SUSD4: variants seen among roughly 807,000 people sequenced by gnomAD.
The protein encoded by SUSD4 is sushi domain containing 4.
SUSD4 carries 41 observed loss-of-function variants against 50.5 expected under a neutral mutation model. The ratio of observed to expected loss-of-function variants is 0.81; its 90% CI spans 0.63 to 1.05. The LOEUF (loss-of-function observed/expected upper bound fraction) is 1.05. Among genes scored for constraint, SUSD4 ranks in the 50% least tolerant of loss-of-function variants. The pLI is 0.00. For missense variants in SUSD4, 580 were observed against 634.7 expected (o/e 0.91, Z 0.93); for synonymous variants, 257 against 257.3 (o/e 1.00, Z 0.01).
chr1:223,333,645 A>AG (rs1458990432), intron 2 of SUSD4, among the ~76,000 whole-genome samples: 1 of 152,194 alleles, frequency 6.6e-6, no homozygotes, highest in Non-Finnish European at 1.5e-5. Context: ...AAGGTTAAGT[A>AG]GGGGGCACCC....
chr1:223,319,397 C>T (rs1394179100), intron 2 of SUSD4, among the ~76,000 whole-genome samples: 1 of 150,912 alleles, frequency 6.6e-6, no homozygotes, highest in Admixed American at 6.6e-5. Context: ...ATTTTCGCAA[C>T]CTACTCATCT....
chr1:223,282,109 A>T (rs1218425274), intron 3 of SUSD4, among the ~76,000 whole-genome samples: 2 of 152,232 alleles, frequency 1.3e-5, no homozygotes, highest in Non-Finnish European at 2.9e-5. Context: ...AGAGCTATTT[A>T]TGACAAACCC....
rs59885860 is a variant in SUSD4 at position 223,268,013 on chromosome 1, T to TTATATA, written c.535+483_535+488dup. Among the ~76,000 whole-genome samples the TTATATA allele has an allele frequency of 3.6e-4, 19 of 53,356 alleles. 1 individual carries two copies. The highest frequency in any genetic ancestry group is 1.5e-3 in the South Asian group (2 of 1,310). 35.0% of individuals were successfully genotyped at this position (53,356 alleles called of 152,430 possible). On this transcript the variant is annotated intron_variant, in intron 4 of 8. Transcript: ENST00000366878. ...AATTTTTCTGCTCTTCATGCATTTT[T>TTATATA]TATATATATATATATATATATATAT...
intron 2 of SUSD4, among the ~76,000 whole-genome samples, chr1:223,297,479 G>A (rs1419674105): frequency 6.6e-6 from 1 of 152,162 alleles, no homozygotes; most frequent in Non-Finnish European, 1.5e-5. Context: ...ACCTGAATGT[G>A]GGCAGGAAGG....
chr1:223,241,892 C>A (rs1223224981), intron 5 of SUSD4, among the ~76,000 whole-genome samples: 1 of 152,166 alleles, frequency 6.6e-6, no homozygotes, highest in African/African-American at 2.4e-5. Context: ...TTGGGGAAGA[C>A]AATCCTACCA....
chr1:223,224,232 G>C lies in SUSD4; in HGVS notation c.1062-601C>G, dbSNP rs370761348. Among the ~76,000 whole-genome samples, 130 of 152,294 alleles carry C rather than the reference G, an allele frequency of 8.5e-4. 2 individuals carry two copies. Among genetic ancestry groups the C allele is most frequent in the African/African-American group, 3.0e-3 (124 of 41,560 alleles). ...CGTGCCTGTAGCCCTAGCTATTCAA[G>C]AGGCTGAGGCAGGAGGATCCCTGGA... On this transcript the variant is annotated intron_variant, in intron 7 of 8. Coordinates refer to ENST00000366878, the MANE Select transcript of SUSD4 (RefSeq NM_017982.4).
chr1:223,310,444 T>G (rs1219277173), intron 2 of SUSD4, among the ~76,000 whole-genome samples: 1 of 152,204 alleles, frequency 6.6e-6, no homozygotes, highest in Non-Finnish European at 1.5e-5. Context: ...AACTATGTTT[T>G]TGAAGATTTG....
Position 223,231,695 on chromosome 1 carries a change from T to C in SUSD4, c.725-2307A>G, listed in dbSNP as rs1269120550. ...GAACTGGTCCTGGGAGATCCAGGGA[T>C]GTGGCCGTAAGGGCTCTTCTCTCCT... On this transcript the variant is annotated intron_variant, in intron 5 of 8. Transcript: ENST00000366878. This position sits in a 1 kb window ranked among gnomAD's most constrained non-coding sequence, Gnocchi z 4.2. Among the ~76,000 whole-genome samples the C allele has an allele frequency of 6.6e-6, 1 of 152,190 alleles. No homozygotes were observed. The highest frequency in any genetic ancestry group is 1.5e-5 in the Non-Finnish European group (1 of 68,038).
intron 2 of SUSD4, among the ~76,000 whole-genome samples, chr1:223,298,183 A>AATGG (rs926173006): frequency 1.3e-5 from 2 of 151,518 alleles, no homozygotes; most frequent in East Asian, 1.9e-4. Context: ...CAGATAGATG[A>AATGG]ATGGATGGAT....
intron 2 of SUSD4, chr1:223,359,103 G>T (rs1451672827): frequency 2.1e-6 from 1 of 470,952 alleles, no homozygotes. Flanking sequence ...TGGACCAGGG[G>T]TTTGCATGAG....
intron 5 of SUSD4, among the ~76,000 whole-genome samples, chr1:223,260,937 C>A (rs1662074749): frequency 6.6e-6 from 1 of 152,180 alleles, no homozygotes; most frequent in South Asian, 2.1e-4. Context: ...AAACACTGAC[C>A]CTCACAAAGT....
At chr1:223,260,867 T>A (rs1662070765) in intron 5 of SUSD4, among the ~76,000 whole-genome samples, 1 of 152,160 alleles carries the variant, frequency 6.6e-6, no homozygotes, top group Admixed American at 6.5e-5. Context: ...TATCAACTCC[T>A]TCATGAAGCC....
At chr1:223,233,638 T>C (rs928605461) in intron 5 of SUSD4, among the ~76,000 whole-genome samples, 1 of 152,182 alleles carries the variant, frequency 6.6e-6, no homozygotes, top group Non-Finnish European at 1.5e-5. Context: ...TGGTTGGCGT[T>C]TGAAATAACC....
intron 2 of SUSD4, among the ~76,000 whole-genome samples, chr1:223,353,143 C>G (rs1668459394): frequency 6.6e-6 from 1 of 152,198 alleles, no homozygotes; most frequent in African/African-American, 2.4e-5. Context: ...ATTCACTGAA[C>G]ATGCCAGCAG....
chr1:223,279,187 A>G (rs568725611), intron 3 of SUSD4, among the ~76,000 whole-genome samples: 1 of 152,364 alleles, frequency 6.6e-6, no homozygotes, highest in East Asian at 1.9e-4. Flanking sequence ...AAAGGAACGC[A>G]GCTCCTTGCC....
intron 2 of SUSD4, among the ~76,000 whole-genome samples, chr1:223,362,945 T>TCCCC (rs72009594): frequency 2.6e-4 from 24 of 93,282 alleles, no homozygotes; most frequent in African/African-American, 9.2e-4. Flanking sequence ...CCCCCACCCC[T>TCCCC]CCCCCCCCCG....
At chr1:223,358,799 GA>G (rs2102598248) in intron 2 of SUSD4, 1 of 189,874 alleles carries the variant, frequency 5.3e-6, no homozygotes, top group African/African-American at 2.3e-5. Context: ...TTTTGTTGAA[GA>G]AACATACATT....
intron 2 of SUSD4, among the ~76,000 whole-genome samples, chr1:223,357,407 G>A: frequency 6.6e-6 from 1 of 152,160 alleles, no homozygotes; most frequent in Non-Finnish European, 1.5e-5. Context: ...TAGGGATTGG[G>A]ATTTCCAAGT....
At chr1:223,300,275 G>T (rs1179908698) in intron 2 of SUSD4, among the ~76,000 whole-genome samples, 5 of 152,144 alleles carry the variant, frequency 3.3e-5, no homozygotes, top group African/African-American at 1.2e-4. Context: ...TTGTAATTTG[G>T]ACTCTGGTTC....
Sources: gnomAD v4.1 joint callset for allele counts (sites outside exome capture counted in the v4.1 genomes callset) on GRCh38, gnomAD v4.1.1 for gene constraint, Gnocchi (gnomAD v3.1) non-coding constraint, MANE v1.5 for transcripts, NCBI Gene and HGNC (gene_info 2026-07-23, HGNC 2026-07-21) for gene names.